CERKL: variants seen among roughly 807,000 people sequenced by gnomAD.
CERKL encodes ceramide kinase-like protein.
A neutral mutation model predicts 63.4 loss-of-function variants in CERKL; 61 were observed. The ratio of observed to expected loss-of-function variants is 0.96; its 90% CI spans 0.78 to 1.19. The LOEUF (loss-of-function observed/expected upper bound fraction) is 1.19. Among genes scored for constraint, CERKL ranks in the 50% most tolerant of loss-of-function variants. The pLI, the probability that CERKL is intolerant of heterozygous loss-of-function variation, is 0.00. For missense variants in CERKL, 675 were observed against 655.5 expected (o/e 1.03, Z -0.33); for synonymous variants, 250 against 230.5 (o/e 1.08, Z -0.77).
intron 2 of CERKL, among the ~76,000 whole-genome samples, chr2:181,599,633 T>C (rs1215241126): frequency 6.6e-6 from 1 of 151,730 alleles, no homozygotes; most frequent in East Asian, 1.9e-4. Flanking sequence ...GACCACCTTT[T>C]CAAATTAACC....
chr2:181,637,518 A>G (rs547347312), intron 1 of CERKL, among the ~76,000 whole-genome samples: 1 of 152,154 alleles, frequency 6.6e-6, no homozygotes, highest in African/African-American at 2.4e-5. Flanking sequence ...CATATATTGT[A>G]CATGTGTTTA....
chr2:181,629,071 A>T (rs1686835772), intron 1 of CERKL, among the ~76,000 whole-genome samples: 1 of 133,276 alleles, frequency 7.5e-6, no homozygotes, highest in Non-Finnish European at 1.5e-5. Context: ...TCCAAATTGA[A>T]TTAACTCATT....
At chr2:181,559,422 C>T (rs537443925) in intron 4 of CERKL, among the ~76,000 whole-genome samples, 3 of 152,110 alleles carry the variant, frequency 2.0e-5, no homozygotes, top group Non-Finnish European at 4.4e-5. Flanking sequence ...AATATTCTTA[C>T]GTATCAAAAT....
intron 2 of CERKL, among the ~76,000 whole-genome samples, chr2:181,585,646 T>G (rs1032206541): frequency 6.6e-6 from 1 of 152,194 alleles, no homozygotes; most frequent in African/African-American, 2.4e-5. Flanking sequence ...AGTCTCTATC[T>G]CATGTCTACT....
Position 181,580,237 on chromosome 2 carries a change from G to A in CERKL, c.482-6353C>T, listed in dbSNP as rs556029255. Among the ~76,000 whole-genome samples the A allele has an allele frequency of 2.0e-5, 3 of 151,964 alleles. No homozygotes were observed. In the South Asian group the frequency reaches 6.2e-4, roughly 32 times the overall value. ...AATCTCCTGTGTCCCTCAGTACCAT[G>A]TTAAACATTTTAAGATAAGTGGTGA... is the stretch of plus-strand genomic sequence containing the variant. On this transcript the variant is annotated intron_variant, in intron 2 of 12. Coordinates refer to ENST00000410087, the MANE Select transcript of CERKL (RefSeq NM_201548.5).
chr2:181,563,432 T>C (rs1372700497), intron 4 of CERKL, among the ~76,000 whole-genome samples: 2 of 152,208 alleles, frequency 1.3e-5, no homozygotes, highest in Non-Finnish European at 2.9e-5. Context: ...CATAGAATCT[T>C]TCTTGGCTCT....
rs1441888758 is a variant in CERKL, at chr2:181,537,000, G to A, written c.*1184C>T. On this transcript the variant is annotated 3_prime_UTR_variant, in exon 13 of 13. Coordinates refer to ENST00000410087, the MANE Select transcript of CERKL (RefSeq NM_201548.5). ...ATGAAAGTTATCTGTTCACAGGCCT[G>A]CAGTGATGGTGAGGAATGTTCTGAG... 2.2e-6 allele frequency: 1 copy of A among 449,764 alleles called. No individual in the cohort carries two copies. The highest frequency in any genetic ancestry group is 4.4e-6 in the Non-Finnish European group (1 of 224,914). The allele number at this position is 449,764 out of a possible 1,614,324, so 27.9% of individuals were successfully genotyped here. A position where few individuals can be genotyped will look rare whatever the true frequency, so the allele number is the denominator to read the frequency against.
intron 1 of CERKL, among the ~76,000 whole-genome samples, chr2:181,651,349 T>C (rs556538091): frequency 4.1e-4 from 62 of 152,312 alleles, no homozygotes; most frequent in Middle Eastern, 3.4e-3. Flanking sequence ...ATCACTGGGA[T>C]CAGAGGCATG....
intron 1 of CERKL, among the ~76,000 whole-genome samples, chr2:181,607,301 C>T (rs935294595): frequency 1.3e-5 from 2 of 152,170 alleles, no homozygotes; most frequent in Non-Finnish European, 2.9e-5. Flanking sequence ...ATTGCTTGTT[C>T]CCCTTGATCA....
chr2:181,649,197 G>GA (rs1653673463), intron 1 of CERKL, among the ~76,000 whole-genome samples: 1 of 152,180 alleles, frequency 6.6e-6, no homozygotes, highest in African/African-American at 2.4e-5. Context: ...GACTGAAAGT[G>GA]AAGAAATGGA....
chr2:181,569,255 T>A (rs1688799798), intron 3 of CERKL, among the ~76,000 whole-genome samples: 1 of 152,190 alleles, frequency 6.6e-6, no homozygotes, highest in Non-Finnish European at 1.5e-5. Flanking sequence ...CACAGAATTA[T>A]CTTTCTCTCT....
intron 1 of CERKL, among the ~76,000 whole-genome samples, chr2:181,641,828 T>C (rs932080701): frequency 6.6e-6 from 1 of 152,192 alleles, no homozygotes; most frequent in Non-Finnish European, 1.5e-5. Flanking sequence ...TAGCCACATG[T>C]AGCTGGTGGT....
intron 4 of CERKL, among the ~76,000 whole-genome samples, chr2:181,562,735 A>C (rs1224802696): frequency 6.6e-6 from 1 of 152,158 alleles, no homozygotes; most frequent in Non-Finnish European, 1.5e-5. Flanking sequence ...AGTGATAAAG[A>C]TTTTTTTAAT....
At chr2:181,655,371 T>C (rs1688112636) in intron 1 of CERKL, among the ~76,000 whole-genome samples, 5 of 152,254 alleles carry the variant, frequency 3.3e-5, no homozygotes. Context: ...TCAGCTGCAC[T>C]GTAGGTTAAA....
chr2:181,551,602 C>T (rs1159116062), intron 5 of CERKL, among the ~76,000 whole-genome samples: 1 of 151,754 alleles, frequency 6.6e-6, no homozygotes, highest in Non-Finnish European at 1.5e-5. Context: ...CAAATCAAAA[C>T]CACACTCACA....
chr2:181,627,104 T>C (rs1253064459), intron 1 of CERKL, among the ~76,000 whole-genome samples: 1 of 152,226 alleles, frequency 6.6e-6, no homozygotes, highest in East Asian at 1.9e-4. Context: ...AATTTGAGTG[T>C]CTCTTCTATG....
Position 181,558,532 on chromosome 2 carries a change from G to A in CERKL, c.820+34C>T. On this transcript the variant is annotated intron_variant, in intron 5 of 12. Coordinates refer to ENST00000410087, the MANE Select transcript of CERKL (RefSeq NM_201548.5). The surrounding 1 kb of genome is among the most constrained non-coding windows in gnomAD (Gnocchi z 4.2). ...AGTAAGAAAGGAAAAGAGGGAGAAG[G>A]GTCAGTTTAATGAATCTGTAGCCAC... 6.2e-7 allele frequency: 1 copy of A among 1,607,364 alleles called. No individual in the cohort carries two copies. Among genetic ancestry groups the A allele is most frequent in the Non-Finnish European group, 8.5e-7 (1 of 1,175,434 alleles).
rs1315141595 is a variant in CERKL, at chr2:181,558,804, G to A, written c.678-96C>T. Reference sequence around the variant, plus strand: ...CTTCAAAATAGTTTACTAATTTGTAGTCTATGTGCATAACTGCTCACATGT... The same window carrying A: ...CTTCAAAATAGTTTACTAATTTGTAATCTATGTGCATAACTGCTCACATGT... On this transcript the variant is annotated intron_variant, in intron 4 of 12. Coordinates refer to ENST00000410087, the MANE Select transcript of CERKL (RefSeq NM_201548.5). This position sits in a 1 kb window ranked among gnomAD's most constrained non-coding sequence, Gnocchi z 4.2. 1 of 1,263,598 alleles carries A rather than the reference G, an allele frequency of 7.9e-7. No individual in the cohort carries two copies. Among genetic ancestry groups the A allele is most frequent in the Non-Finnish European group, 1.1e-6 (1 of 878,588 alleles). 78.3% of individuals were successfully genotyped at this position (1,263,598 alleles called of 1,614,324 possible). A position where few individuals can be genotyped will look rare whatever the true frequency, so the allele number is the denominator to read the frequency against.
intron 2 of CERKL, among the ~76,000 whole-genome samples, chr2:181,580,161 G>C (rs1055109042): frequency 1.3e-5 from 2 of 151,796 alleles, no homozygotes; most frequent in African/African-American, 2.4e-5. Context: ...TAATACTTTT[G>C]TGATGTTCAA....
Sources: allele counts gnomAD v4.1 joint callset (sites outside exome capture counted in the v4.1 genomes callset), GRCh38; gene constraint gnomAD v4.1.1; non-coding constraint Gnocchi (gnomAD v3.1); transcripts MANE v1.5; gene names NCBI Gene and HGNC (gene_info 2026-07-23, HGNC 2026-07-21).